CSMD1: variants seen among roughly 807,000 people sequenced by gnomAD.
CSMD1 encodes the protein CUB and sushi domain-containing protein 1.
A neutral mutation model predicts 417.5 loss-of-function variants in CSMD1; 213 were observed. The observed-to-expected ratio is 0.51, with a 90% CI of 0.46 to 0.57. CSMD1 has a LOEUF of 0.57. Among genes scored for constraint, CSMD1 ranks in the 20% least tolerant of loss-of-function variants. The probability of loss-of-function intolerance (pLI) is 0.00; values close to 1 mark genes in which losing one functional copy is unlikely to be tolerated. For missense variants in CSMD1, 6,923 were observed against 4,529.7 expected, an observed-to-expected ratio of 1.53 and a Z score of -15.17; for synonymous variants, 2,862 against 1,736.8, an observed-to-expected ratio of 1.65 and a Z score of -16.11.
chr8:4,625,257 C>A (rs536285125), intron 2 of CSMD1, among the ~76,000 whole-genome samples: 1 of 151,994 alleles, frequency 6.6e-6, no homozygotes, highest in African/African-American at 2.4e-5. Flanking sequence ...CTGCTTGGAA[C>A]GCCAGTTAAT....
intron 3 of CSMD1, among the ~76,000 whole-genome samples, chr8:4,087,196 T>G (rs1800465774): frequency 6.6e-6 from 1 of 152,106 alleles, no homozygotes; most frequent in Non-Finnish European, 1.5e-5. Context: ...CAGCACAACT[T>G]AGCAGCCACC....
chr8:3,778,485 G>C (rs1319537253), intron 5 of CSMD1, among the ~76,000 whole-genome samples: 1 of 152,172 alleles, frequency 6.6e-6, no homozygotes, highest in African/African-American at 2.4e-5. Flanking sequence ...CTGTCTTACG[G>C]TAGTCCCATT....
At chr8:4,462,625 G>C (rs991005649) in intron 2 of CSMD1, among the ~76,000 whole-genome samples, 2 of 152,156 alleles carry the variant, frequency 1.3e-5, no homozygotes, top group Non-Finnish European at 2.9e-5. Context: ...ATTCCATTAT[G>C]CTTGCATTAG....
intron 6 of CSMD1, among the ~76,000 whole-genome samples, chr8:3,735,766 T>C (rs1027800601): frequency 6.6e-6 from 1 of 152,224 alleles, no homozygotes; most frequent in African/African-American, 2.4e-5. Context: ...ACAATGTTGC[T>C]GCAGATACCA....
intron 2 of CSMD1, among the ~76,000 whole-genome samples, chr8:4,524,476 C>T (rs187324999): frequency 6.6e-6 from 1 of 151,804 alleles, no homozygotes; most frequent in Admixed American, 6.6e-5. Flanking sequence ...TGAGTGAGGC[C>T]ACGTTGGTGA....
chr8:3,104,552 A>T (rs1040689536), intron 46 of CSMD1, among the ~76,000 whole-genome samples: 1 of 152,316 alleles, frequency 6.6e-6, no homozygotes, highest in African/African-American at 2.4e-5. Flanking sequence ...CAAAAAAAAA[A>T]TCTAAGTTAT....
chr8:4,385,312 A>T (rs1803375462), intron 3 of CSMD1, among the ~76,000 whole-genome samples: 1 of 152,250 alleles, frequency 6.6e-6, no homozygotes, highest in Admixed American at 6.5e-5. Flanking sequence ...ACAATGATGT[A>T]GTCTGACAGG....
rs1801346051 is a variant in CSMD1, at chr8:4,614,176, G to C, written c.302+23166C>G. Among the ~76,000 whole-genome samples the C allele has an allele frequency of 3.3e-5, 5 of 152,112 alleles. 1 individual carries two copies. Among genetic ancestry groups the C allele is most frequent in the South Asian group, 2.1e-4 (1 of 4,832 alleles). On this transcript the variant is annotated intron_variant, in intron 2 of 69. Coordinates refer to ENST00000635120, the MANE Select transcript of CSMD1 (RefSeq NM_033225.6). Reference sequence around the variant, plus strand: ...ATAATAATAATAGTTATGCATGAAAGACATTGTTTAGAAAACAAAGGGCAT... The same window carrying C: ...ATAATAATAATAGTTATGCATGAAACACATTGTTTAGAAAACAAAGGGCAT...
At chr8:3,425,117 G>C (rs565013778) in intron 12 of CSMD1, among the ~76,000 whole-genome samples, 2 of 152,270 alleles carry the variant, frequency 1.3e-5, no homozygotes, top group East Asian at 1.9e-4. Flanking sequence ...CACCATGCTT[G>C]TCCTATTTTA....
chr8:3,206,421 ATGTGTGTGTGTGGG>A (rs1797269994), intron 30 of CSMD1, among the ~76,000 whole-genome samples: 1 of 50,294 alleles, frequency 2.0e-5, no homozygotes, highest in Non-Finnish European at 3.6e-5. Context: ...CTGTGTGTGT[ATGTGTGTGTGTGGG>A]TGTATGTGTG....
chr8:3,760,746 T>C (rs1388707254), intron 5 of CSMD1, among the ~76,000 whole-genome samples: 1 of 152,220 alleles, frequency 6.6e-6, no homozygotes, highest in Non-Finnish European at 1.5e-5. Context: ...TTCTTATGTC[T>C]TTAGAAAATC....
At chr8:3,752,816 T>C (rs1797426643) in intron 6 of CSMD1, among the ~76,000 whole-genome samples, 1 of 152,158 alleles carries the variant, frequency 6.6e-6, no homozygotes, top group Non-Finnish European at 1.5e-5. Context: ...CGATGTGTAC[T>C]TCTCAGCACC....
chr8:4,189,747 T>C (rs1798902784), intron 3 of CSMD1, among the ~76,000 whole-genome samples: 1 of 152,208 alleles, frequency 6.6e-6, no homozygotes, highest in Non-Finnish European at 1.5e-5. Flanking sequence ...ATTAGAAATC[T>C]TGATAAATTA....
chr8:3,652,038 T>A (rs1247410067), intron 7 of CSMD1, among the ~76,000 whole-genome samples: 1 of 137,032 alleles, frequency 7.3e-6, no homozygotes, highest in Non-Finnish European at 1.5e-5. Context: ...CTTACTACCA[T>A]CACAGCACCC....
chr8:4,765,211 T>A (rs1170110694), intron 1 of CSMD1, among the ~76,000 whole-genome samples: 1 of 152,144 alleles, frequency 6.6e-6, no homozygotes. Context: ...ATAAAAAAAA[T>A]GGCATAGCTC....
At chr8:2,970,830 C>G (rs1158857086) in intron 57 of CSMD1, among the ~76,000 whole-genome samples, 1 of 152,138 alleles carries the variant, frequency 6.6e-6, no homozygotes, top group Non-Finnish European at 1.5e-5. Context: ...TGAAATTTTA[C>G]TATGGAAATT....
At chr8:4,655,584 C>CA (rs775954910) in intron 1 of CSMD1, among the ~76,000 whole-genome samples, 4 of 151,814 alleles carry the variant, frequency 2.6e-5, no homozygotes, top group East Asian at 3.8e-4. Flanking sequence ...ACTTATTTTT[C>CA]AAAAAACTTC....
At chr8:4,465,867 T>C (rs568950245) in intron 2 of CSMD1, among the ~76,000 whole-genome samples, 3 of 152,274 alleles carry the variant, frequency 2.0e-5, no homozygotes, top group South Asian at 2.1e-4. Flanking sequence ...TCACAGGTGA[T>C]TGTATCTGGA....
chr8:3,848,784 G>A (rs1479605987), intron 5 of CSMD1, among the ~76,000 whole-genome samples: 1 of 151,930 alleles, frequency 6.6e-6, no homozygotes, highest in Non-Finnish European at 1.5e-5. Flanking sequence ...ATTTAGTACT[G>A]TAGAAAAAAA....
Sources: allele counts gnomAD v4.1 joint callset (sites outside exome capture counted in the v4.1 genomes callset), GRCh38; gene constraint gnomAD v4.1.1; transcripts MANE v1.5; gene names NCBI Gene and HGNC (gene_info 2026-07-23, HGNC 2026-07-21).